TLE4: variants seen among roughly 807,000 people sequenced by gnomAD.
The protein encoded by TLE4 is TLE family member 4, transcriptional corepressor, also known as transducin-like enhancer protein 4.
A neutral mutation model predicts 92.8 loss-of-function variants in TLE4; 8 were observed. The ratio of observed to expected loss-of-function variants is 0.09; its 90% confidence interval spans 0.05 to 0.16. TLE4 has a LOEUF of 0.16. Among genes scored for constraint, TLE4 ranks in the 10% least tolerant of loss-of-function variants. TLE4 has a pLI of 1.00. For synonymous variants in TLE4, 371 were observed against 374.1 expected (o/e 0.99, Z 0.10); for missense variants, 675 against 997.6 (o/e 0.68, Z 4.36).
At chr9:79,639,282 AT>A (rs1401249316) in intron 6 of TLE4, among the ~76,000 whole-genome samples, 7 of 152,084 alleles carry the variant, frequency 4.6e-5, no homozygotes, top group African/African-American at 1.7e-4. Flanking sequence ...ATTTTTGGGT[AT>A]TCTATACCTT....
Position 79,612,716 on chromosome 9 carries a change from G to A in TLE4, c.313G>A (p.Glu105Lys). The A allele has an allele frequency of 6.2e-7, 1 of 1,612,980 alleles. No homozygotes were observed. The highest frequency in any genetic ancestry group is 8.5e-7 in the Non-Finnish European group (1 of 1,179,220). ...ACAAGTCATTCCTTTCCTGTCCCAAGAGGTAAGGTAGTTGATTTTAGGCAC... is the reference window on the plus strand; with the variant it reads ...ACAAGTCATTCCTTTCCTGTCCCAAAAGGTAAGGTAGTTGATTTTAGGCAC... ...CAQVIPFLSQEHQQQVVQAVE... is the reference protein window; with the variant it reads ...CAQVIPFLSQKHQQQVVQAVE... Residue 105 changes from glutamate (E) to lysine (K), a missense_variant and splice_region_variant, in exon 5 of 20, where the codon GAG (glutamate) becomes AAG (lysine). Coordinates refer to ENST00000376552, the MANE Select transcript of TLE4 (RefSeq NM_007005.6).
intron 6 of TLE4, among the ~76,000 whole-genome samples, chr9:79,648,142 G>A (rs772554825): frequency 1.6e-4 from 24 of 152,126 alleles, no homozygotes; most frequent in South Asian, 1.2e-3. Flanking sequence ...TAAGAAATTG[G>A]AACTTTTGTT....
In TLE4 at chr9:79,704,898, G is replaced by A. The variant is rs774282407; in HGVS notation, c.725G>A (p.Arg242His). The A allele has an allele frequency of 1.4e-5, 22 of 1,613,900 alleles. 1 individual carries two copies. In the Middle Eastern group the frequency reaches 4.9e-4, roughly 36 times the overall value. Residue 242 changes from arginine (R) to histidine (H), a missense_variant, in exon 9 of 20, where the codon CGT (arginine) becomes CAT (histidine). Physicochemically the swap from Arg to His is conservative, Grantham distance 29. Coordinates refer to ENST00000376552, the MANE Select transcript of TLE4 (RefSeq NM_007005.6). ...QKTEEKEIAARYDSDGEKSDD... is the reference protein window; with the variant it reads ...QKTEEKEIAAHYDSDGEKSDD... ...ACTGAAGAAAAGGAAATTGCAGCTC[G>A]TTATGTAAGTTCATTCACCTTTGTG...
chr9:79,691,651 C>G (rs1234221298), intron 8 of TLE4, among the ~76,000 whole-genome samples: 1 of 152,104 alleles, frequency 6.6e-6, no homozygotes, highest in African/African-American at 2.4e-5. Context: ...AGTGCCATTG[C>G]CAGCTTTCCG....
chr9:79,707,134 G>A (rs915652643), intron 11 of TLE4: 3 of 1,613,046 alleles, frequency 1.9e-6, no homozygotes, highest in Non-Finnish European at 2.5e-6. Flanking sequence ...AGAGGGATAT[G>A]GGGAAATTGA....
chr9:79,614,247 A>T (rs556519008), intron 5 of TLE4, among the ~76,000 whole-genome samples: 25 of 152,222 alleles, frequency 1.6e-4, no homozygotes, highest in South Asian at 1.0e-3. Context: ...GAAAAGTTCG[A>T]ATTATCCCTG....
At chr9:79,620,169 T>A (rs1412451999) in intron 5 of TLE4, among the ~76,000 whole-genome samples, 1 of 152,240 alleles carries the variant, frequency 6.6e-6, no homozygotes, top group African/African-American at 2.4e-5. Context: ...GACTTTTAGT[T>A]AGGTAGTGAT....
chr9:79,602,735 G>A (rs1186251785), intron 4 of TLE4, among the ~76,000 whole-genome samples: 1 of 152,096 alleles, frequency 6.6e-6, no homozygotes, highest in Non-Finnish European at 1.5e-5. Context: ...TGTAGCCCGT[G>A]GATCAAGGAG....
intron 4 of TLE4, among the ~76,000 whole-genome samples, chr9:79,592,229 T>TC (rs5898637): frequency 0.22 from 28,402 of 132,022 alleles, 3,599 homozygotes; most frequent in African/African-American, 0.35. Context: ...TTCTTCTTCT[T>TC]CTTCTTCCTT....
chr9:79,620,385 CCAAAGTTCTGTTGGA>C (rs1467012907), intron 5 of TLE4, among the ~76,000 whole-genome samples: 1 of 152,144 alleles, frequency 6.6e-6, no homozygotes, highest in African/African-American at 2.4e-5. Context: ...CCAACATTGC[CCAAAGTTCTGTTGGA>C]CAGCAGTGAA....
intron 8 of TLE4, among the ~76,000 whole-genome samples, chr9:79,680,148 T>G (rs372166837): frequency 1.6e-4 from 24 of 151,614 alleles, no homozygotes; most frequent in East Asian, 1.4e-3. Flanking sequence ...TTCCAATTCT[T>G]TGAAGAAAGT....
intron 4 of TLE4, among the ~76,000 whole-genome samples, chr9:79,598,949 G>A (rs2044827154): frequency 6.6e-6 from 1 of 152,146 alleles, no homozygotes; most frequent in Admixed American, 6.5e-5. Context: ...AAAACATCTT[G>A]TTGAATTTCC....
chr9:79,640,259 A>C (rs898528651), intron 6 of TLE4, among the ~76,000 whole-genome samples: 1 of 152,142 alleles, frequency 6.6e-6, no homozygotes, highest in Non-Finnish European at 1.5e-5. Flanking sequence ...ATGTGGAAAA[A>C]TGTTCTTAAT....
chr9:79,648,113 T>G (rs1049575174), intron 6 of TLE4, among the ~76,000 whole-genome samples: 2 of 152,164 alleles, frequency 1.3e-5, no homozygotes, highest in East Asian at 3.9e-4. Flanking sequence ...GATGCTAGTT[T>G]ATGGAAAGTC....
intron 4 of TLE4, among the ~76,000 whole-genome samples, chr9:79,604,278 C>T (rs2046335801): frequency 6.6e-6 from 1 of 152,102 alleles, no homozygotes; most frequent in Non-Finnish European, 1.5e-5. Flanking sequence ...GGGACTGTCT[C>T]CTTGTTCCTT....
chr9:79,663,979 C>T (rs1166612519), intron 8 of TLE4, among the ~76,000 whole-genome samples: 1 of 152,168 alleles, frequency 6.6e-6, no homozygotes, highest in Non-Finnish European at 1.5e-5. Flanking sequence ...GGTGGTCTCC[C>T]GTTGCCCTAG....
intron 6 of TLE4, among the ~76,000 whole-genome samples, chr9:79,628,643 A>C (rs903670427): frequency 6.6e-6 from 1 of 152,156 alleles, no homozygotes; most frequent in African/African-American, 2.4e-5. Flanking sequence ...ATGAATGGAA[A>C]AGAGTGACCT....
chr9:79,599,903 A>T (rs1404963723), intron 4 of TLE4, among the ~76,000 whole-genome samples: 1 of 152,148 alleles, frequency 6.6e-6, no homozygotes, highest in Admixed American at 6.5e-5. Flanking sequence ...TCAGTATCTG[A>T]AATTCCTCTT....
At chr9:79,713,851 T>TTTGTTGTTG (rs146268539) in intron 14 of TLE4, among the ~76,000 whole-genome samples, 4 of 150,252 alleles carry the variant, frequency 2.7e-5, no homozygotes, top group African/African-American at 9.8e-5. Context: ...ATTGTTGTTG[T>TTTGTTGTTG]TTGTTGTTGT....
Sources: allele counts gnomAD v4.1 joint callset (sites outside exome capture counted in the v4.1 genomes callset), GRCh38; gene constraint gnomAD v4.1.1; transcripts MANE v1.5; gene names NCBI Gene and HGNC (gene_info 2026-07-23, HGNC 2026-07-21).